The following TAX1BP1 variants were observed in gnomAD, a reference collection of about 807,000 sequenced individuals.
TAX1BP1 encodes tax1-binding protein 1.
A neutral mutation model predicts 97.7 loss-of-function variants in TAX1BP1; 62 were observed. The ratio of observed to expected loss-of-function variants is 0.63; its 90% CI spans 0.52 to 0.78. The LOEUF (loss-of-function observed/expected upper bound fraction) is 0.78. Among genes scored for constraint, TAX1BP1 ranks in the 30% least tolerant of loss-of-function variants. The pLI, the probability that TAX1BP1 is intolerant of heterozygous loss-of-function variation, is 0.00. For missense variants in TAX1BP1, 867 were observed against 916.1 expected, an observed-to-expected ratio of 0.95 and a Z score of 0.69; for synonymous variants, 340 against 304.2, an observed-to-expected ratio of 1.12 and a Z score of -1.23.
chr7:27,766,081 G>C, intron 4 of TAX1BP1, 60 bp downstream of exon 4: 1 of 1,516,438 alleles, frequency 6.6e-7, no homozygotes. Flanking sequence ...GCTCATGTTG[G>C]TTGGCATTTT....
intron 15 of TAX1BP1, among the ~76,000 whole-genome samples, chr7:27,824,475 G>A (rs1252028415): frequency 6.9e-6 from 1 of 145,818 alleles, no homozygotes; most frequent in Non-Finnish European, 1.5e-5. Flanking sequence ...GATTGCTGGA[G>A]TCCAGGAGGT....
intron 13 of TAX1BP1, among the ~76,000 whole-genome samples, chr7:27,806,788 A>G (rs924692646): frequency 8.5e-5 from 13 of 152,172 alleles, no homozygotes; most frequent in African/African-American, 3.1e-4. Flanking sequence ...TAGCTCTAGA[A>G]ATGATTGTTG....
intron 5 of TAX1BP1, chr7:27,772,463 C>G (rs1483587981): frequency 1.3e-5 from 2 of 151,986 alleles, no homozygotes; most frequent in Non-Finnish European, 2.9e-5. Context: ...CAGAGACCTT[C>G]ATTTTCTTCA....
intron 13 of TAX1BP1, among the ~76,000 whole-genome samples, chr7:27,801,760 T>A (rs1448234659): frequency 6.6e-6 from 1 of 152,210 alleles, no homozygotes; most frequent in African/African-American, 2.4e-5. Flanking sequence ...AAACAACATA[T>A]CTAAAATTAC....
chr7:27,748,809 A>C, intron 2 of TAX1BP1, 123 bp downstream of exon 2: 1 of 666,406 alleles, frequency 1.5e-6, no homozygotes, highest in Non-Finnish European at 2.2e-6. Flanking sequence ...AAACATCACC[A>C]TGAAATATTT....
intron 8 of TAX1BP1, among the ~76,000 whole-genome samples, chr7:27,790,118 T>A (rs1469923274): frequency 6.6e-6 from 1 of 152,020 alleles, no homozygotes; most frequent in Non-Finnish European, 1.5e-5. Flanking sequence ...ATTGAATTTA[T>A]GAATATACGT....
At chr7:27,806,440 C>T (rs1331311467) in intron 13 of TAX1BP1, among the ~76,000 whole-genome samples, 1 of 151,780 alleles carries the variant, frequency 6.6e-6, no homozygotes, top group Non-Finnish European at 1.5e-5. Flanking sequence ...TTGGATATCA[C>T]AGAAGGAATG....
At chr7:27,773,810 A>G (rs1355594852) in intron 5 of TAX1BP1, among the ~76,000 whole-genome samples, 1 of 152,122 alleles carries the variant, frequency 6.6e-6, no homozygotes, top group African/African-American at 2.4e-5. Context: ...TGAGGCTCAG[A>G]GAACCAGTGA....
chr7:27,793,895 C>G (rs2128318457), intron 10 of TAX1BP1, among the ~76,000 whole-genome samples: 1 of 152,296 alleles, frequency 6.6e-6, no homozygotes. Flanking sequence ...GCATATGATA[C>G]TTTCCTGGTC....
At chr7:27,789,678 A>G (rs539877586) in intron 8 of TAX1BP1, among the ~76,000 whole-genome samples, 31 of 151,640 alleles carry the variant, frequency 2.0e-4, no homozygotes, top group African/African-American at 7.0e-4. Context: ...ATATTCCATT[A>G]TATAGATTTA....
At chr7:27,765,712 C>CAT in intron 3 of TAX1BP1, 122 bp from the exon 4 acceptor site, 2 of 835,848 alleles carry the variant, frequency 2.4e-6, no homozygotes, top group East Asian at 5.3e-5. Flanking sequence ...GGAGGAAGGA[C>CAT]ATATCCCAGA....
At chr7:27,776,083 G>A (rs527493371) in intron 5 of TAX1BP1, among the ~76,000 whole-genome samples, 97 of 152,198 alleles carry the variant, frequency 6.4e-4, no homozygotes, top group African/African-American at 2.3e-3. Context: ...AATTCTTAGG[G>A]AGATTTTATG....
intron 1 of TAX1BP1, among the ~76,000 whole-genome samples, chr7:27,741,532 GCT>G (rs1329012764): frequency 4.9e-5 from 7 of 143,314 alleles, no homozygotes; most frequent in African/African-American, 1.3e-4. Context: ...ATGGAGTCTT[GCT>G]CTGTCTCCCA....
chr7:27,783,009 A>T (rs1789322017), intron 5 of TAX1BP1, among the ~76,000 whole-genome samples: 1 of 152,164 alleles, frequency 6.6e-6, no homozygotes, highest in South Asian at 2.1e-4. Context: ...GAGAGTTATG[A>T]CTTGTGGGAA....
chr7:27,826,824 C>T (rs994585907), intron 15 of TAX1BP1, among the ~76,000 whole-genome samples: 1 of 152,178 alleles, frequency 6.6e-6, no homozygotes, highest in Non-Finnish European at 1.5e-5. Flanking sequence ...TCCTCTATAG[C>T]AGAGTTTTGA....
At chr7:27,814,711 A>G (rs1790696660) in intron 13 of TAX1BP1, among the ~76,000 whole-genome samples, 1 of 151,144 alleles carries the variant, frequency 6.6e-6, no homozygotes, top group Admixed American at 6.6e-5. Flanking sequence ...GTATACTGCA[A>G]CCTGACTAAA....
intron 2 of TAX1BP1, among the ~76,000 whole-genome samples, chr7:27,751,212 A>G (rs1344980944): frequency 1.3e-5 from 2 of 152,186 alleles, no homozygotes; most frequent in Non-Finnish European, 2.9e-5. Flanking sequence ...CTTCTGTTTA[A>G]TACCCTTTCC....
At position 27,744,421 on chromosome 7, in the gene TAX1BP1, G is replaced by A. The variant is rs575703457; in HGVS notation, c.-7-4097G>A. On this transcript the variant is annotated intron_variant, in intron 1 of 16. Coordinates refer to ENST00000396319, the MANE Select transcript of TAX1BP1 (RefSeq NM_006024.7). The stretch of plus-strand genomic sequence containing the variant: ...ATTACAGGCGTGAGCCACCGCACCC[G>A]GCCTAGTTTAGTATCTTTAAATGAT... Among the ~76,000 whole-genome samples, 9 of 152,282 alleles carry A rather than the reference G, an allele frequency of 5.9e-5. 1 individual carries two copies. In the South Asian group the frequency reaches 1.0e-3, roughly 18 times the overall value.
chr7:27,800,105 C>A lies in TAX1BP1; in HGVS notation c.1764+15C>A. On this transcript the variant is annotated intron_variant, in intron 13 of 16. Transcript: ENST00000396319. ...ACAATTATAAAGTAAGTTTGGTACT[C>A]CTTGTATGTAAACTTAAGGCATAAA... 1.3e-6 allele frequency: 2 copies of A among 1,545,310 alleles called. No homozygotes were observed. The highest frequency in any genetic ancestry group is 1.3e-5 in the South Asian group (1 of 77,522).
Sources: gnomAD v4.1 joint callset for allele counts (sites outside exome capture counted in the v4.1 genomes callset) on GRCh38, gnomAD v4.1.1 for gene constraint, MANE v1.5 for transcripts, NCBI Gene and HGNC (gene_info 2026-07-23, HGNC 2026-07-21) for gene names.